The following SUPT3H variants were observed in gnomAD, a reference collection of about 807,000 sequenced individuals.
SUPT3H encodes SPT3 homolog, SAGA and STAGA complex component.
A neutral mutation model predicts 44.3 loss-of-function variants in SUPT3H; 44 were observed. The ratio of observed to expected loss-of-function variants is 0.99; its 90% CI spans 0.78 to 1.28. The LOEUF (loss-of-function observed/expected upper bound fraction) is 1.28. Ranked by LOEUF, SUPT3H falls within the 50% of genes most tolerant of loss-of-function variation. SUPT3H has a pLI of 0.00. For synonymous variants in SUPT3H, 124 were observed against 125.6 expected, an observed-to-expected ratio of 0.99 and a Z score of 0.09; for missense variants, 380 against 387.1, an observed-to-expected ratio of 0.98 and a Z score of 0.15.
At chr6:45,302,514 AATATATATATATATAT>A (rs10524207) in intron 2 of SUPT3H, among the ~76,000 whole-genome samples, 6,133 of 105,340 alleles carry the variant, frequency 0.058, 365 homozygotes, top group African/African-American at 0.14. Context: ...GTATCTCAGG[AATATATATATATATAT>A]ATATATATAT....
Position 44,828,340 on chromosome 6 carries a change from A to G in SUPT3H, c.*1476T>C, listed in dbSNP as rs1480588801. Reference sequence around the variant, plus strand: ...TCCTTTGGGAATATTTTGATATTATATATCTATCCGTGCTTTTTGTTTCTG... The same window carrying G: ...TCCTTTGGGAATATTTTGATATTATGTATCTATCCGTGCTTTTTGTTTCTG... On this transcript the variant is annotated 3_prime_UTR_variant, in exon 11 of 11. Transcript: ENST00000371459. 1.3e-5 allele frequency among the ~76,000 whole-genome samples: 2 copies of G among 152,250 alleles called. No individual in the cohort carries two copies. The highest frequency in any genetic ancestry group is 2.1e-4 in the South Asian group (1 of 4,828).
In SUPT3H at chr6:45,350,993, G is replaced by A. The variant is rs559408294; in HGVS notation, c.101+14208C>T. ...TCCGACCCTATAGTGAACTGCACAC[G>A]CGAAGGATCTAAGTTCTGCGCTCCT... On this transcript the variant is annotated intron_variant, in intron 2 of 10. Coordinates refer to ENST00000371459, the MANE Select transcript of SUPT3H (RefSeq NM_003599.4). Among the ~76,000 whole-genome samples, 16 of 152,158 alleles carry A rather than the reference G, an allele frequency of 1.1e-4. No homozygotes were observed. In the South Asian group the frequency reaches 3.3e-3, roughly 32 times the overall value.
chr6:45,174,841 G>A (rs1811425367), intron 2 of SUPT3H, among the ~76,000 whole-genome samples: 1 of 151,458 alleles, frequency 6.6e-6, no homozygotes, highest in Non-Finnish European at 1.5e-5. Context: ...ATACCTATCT[G>A]AAGTATCTTC....
At chr6:44,933,299 G>A (rs551922340) in intron 9 of SUPT3H, among the ~76,000 whole-genome samples, 126 of 131,882 alleles carry the variant, frequency 9.6e-4, no homozygotes, top group South Asian at 4.0e-3. Flanking sequence ...AAACAAAAAC[G>A]AAACCAACAA....
intron 2 of SUPT3H, among the ~76,000 whole-genome samples, chr6:45,308,611 A>C (rs2149975266): frequency 6.6e-6 from 1 of 152,298 alleles, no homozygotes; most frequent in East Asian, 1.9e-4. Flanking sequence ...GGGAGGGAGG[A>C]GGGAAAGCAT....
At chr6:45,330,214 TA>T (rs1787178196) in intron 2 of SUPT3H, among the ~76,000 whole-genome samples, 1 of 151,950 alleles carries the variant, frequency 6.6e-6, no homozygotes, top group South Asian at 2.1e-4. Flanking sequence ...CAGATTAATT[TA>T]AAATTTTAAT....
At chr6:45,158,298 A>ATATTT in intron 2 of SUPT3H, among the ~76,000 whole-genome samples, 2 of 99,694 alleles carry the variant, frequency 2.0e-5, no homozygotes, top group African/African-American at 5.0e-5. Context: ...ATATATATAT[A>ATATTT]TTTTTTTTTT....
intron 2 of SUPT3H, among the ~76,000 whole-genome samples, chr6:45,123,917 T>C (rs555649376): frequency 6.6e-6 from 1 of 152,304 alleles, no homozygotes; most frequent in South Asian, 2.1e-4. Context: ...GAAATACTAC[T>C]CATCTTTTGT....
intron 2 of SUPT3H, among the ~76,000 whole-genome samples, chr6:45,258,152 A>G (rs963805430): frequency 6.6e-6 from 1 of 152,220 alleles, no homozygotes; most frequent in African/African-American, 2.4e-5. Context: ...TTCTGATATT[A>G]GTTCTGTTTA....
chr6:45,335,281 T>TA (rs1223127732), intron 2 of SUPT3H, among the ~76,000 whole-genome samples: 2 of 151,448 alleles, frequency 1.3e-5, no homozygotes, highest in Middle Eastern at 3.4e-3. Flanking sequence ...GATTACAAAT[T>TA]ATTTAAATGT....
chr6:44,906,523 G>A (rs1766109621), intron 10 of SUPT3H, among the ~76,000 whole-genome samples: 1 of 152,176 alleles, frequency 6.6e-6, no homozygotes, highest in Admixed American at 6.5e-5. Context: ...CAGCGCTTTG[G>A]GAGGCCGAGT....
chr6:45,280,832 TATAAC>T (rs144228658), intron 2 of SUPT3H, among the ~76,000 whole-genome samples: 27,325 of 151,998 alleles, frequency 0.18, 3,800 homozygotes, highest in African/African-American at 0.39. Context: ...TATTTAAAAA[TATAAC>T]ATGTTCTATA....
Position 44,919,957 on chromosome 6 carries a change from C to T in SUPT3H, c.912+12696G>A, listed in dbSNP as rs558018821. ...GCAGTGGCGTGATCTCAGCTCACCA[C>T]GACCTCCGCCTCCCAGGTTCAGGCG... On this transcript the variant is annotated intron_variant, in intron 10 of 10. Transcript: ENST00000371459. 2.5e-3 allele frequency among the ~76,000 whole-genome samples: 379 copies of T among 152,206 alleles called. 2 individuals carry two copies. Among genetic ancestry groups the T allele is most frequent in the African/African-American group, 8.2e-3 (340 of 41,530 alleles).
chr6:45,158,201 G>T (rs906507660), intron 2 of SUPT3H, among the ~76,000 whole-genome samples: 69 of 121,936 alleles, frequency 5.7e-4, no homozygotes, highest in African/African-American at 2.0e-3. Context: ...AGAAACCATA[G>T]AGATAGATAG....
At chr6:44,810,626 G>A (rs1434164311) in intron 11 of SUPT3H, among the ~76,000 whole-genome samples, 2 of 148,180 alleles carry the variant, frequency 1.3e-5, no homozygotes, top group Non-Finnish European at 3.0e-5. Flanking sequence ...ATGCACTTTT[G>A]GCGGGGCATG....
intron 10 of SUPT3H, among the ~76,000 whole-genome samples, chr6:44,904,081 A>C (rs1765574356): frequency 6.6e-6 from 1 of 152,228 alleles, no homozygotes; most frequent in South Asian, 2.1e-4. Context: ...ATCATACAGA[A>C]TGGGCAAAAA....
chr6:45,302,846 A>G (rs1349266137), intron 2 of SUPT3H, among the ~76,000 whole-genome samples: 3 of 152,106 alleles, frequency 2.0e-5, no homozygotes, highest in Admixed American at 6.6e-5. Flanking sequence ...CCATGGCACC[A>G]TCTATTAATT....
intron 10 of SUPT3H, among the ~76,000 whole-genome samples, chr6:44,844,269 C>T (rs569976464): frequency 6.6e-6 from 1 of 152,088 alleles, no homozygotes; most frequent in Non-Finnish European, 1.5e-5. Context: ...GACCCAAACA[C>T]AAGTAACCAT....
intron 3 of SUPT3H, among the ~76,000 whole-genome samples, chr6:45,063,701 G>C (rs1324836852): frequency 1.2e-4 from 7 of 58,222 alleles, no homozygotes; most frequent in African/African-American, 5.1e-4. Flanking sequence ...CTGGAAGAAA[G>C]GGTATCAGCA....
Sources: gnomAD v4.1 joint callset for allele counts (sites outside exome capture counted in the v4.1 genomes callset) on GRCh38, gnomAD v4.1.1 for gene constraint, MANE v1.5 for transcripts, NCBI Gene and HGNC (gene_info 2026-07-23, HGNC 2026-07-21) for gene names.